The following SSH1 variants were observed in gnomAD, a reference collection of about 807,000 sequenced individuals.
The protein encoded by SSH1 is protein phosphatase Slingshot homolog 1.
SSH1 carries 43 observed loss-of-function variants against 79.7 expected under a neutral mutation model. That is an observed-to-expected ratio of 0.54 (90% CI 0.42 to 0.70). SSH1 has a LOEUF of 0.70. Ranked by LOEUF, SSH1 falls within the 30% of genes least tolerant of loss-of-function variation. SSH1 has a pLI of 0.00. For synonymous variants in SSH1, 599 were observed against 538.3 expected (o/e 1.11, Z -1.56); for missense variants, 1,206 against 1,358.8 (o/e 0.89, Z 1.77).
Position 108,846,903 on chromosome 12 carries a change from CT to C in SSH1, c.110+5734del, listed in dbSNP as rs766290770. Reference sequence around the variant, plus strand: ...TGTGGACCTGATTCTAGGCAAGGAACTTTTTTTTTTTTTGAGACAGGGTCTT... The same window carrying C: ...TGTGGACCTGATTCTAGGCAAGGAACTTTTTTTTTTTTGAGACAGGGTCTT... On this transcript the variant is annotated intron_variant, in intron 2 of 14. Transcript: ENST00000326495. Among the ~76,000 whole-genome samples, 1,393 of 146,052 alleles carry C rather than the reference CT, an allele frequency of 9.5e-3. 10 individuals are homozygous for C. The highest frequency in any genetic ancestry group is 0.012 in the Non-Finnish European group (761 of 65,854).
Position 108,837,109 on chromosome 12 carries a change from G to A in SSH1, c.111-13748C>T, listed in dbSNP as rs1214327158. 3.7e-5 allele frequency: 13 copies of A among 353,546 alleles called. No individual in the cohort carries two copies. In the East Asian group the frequency reaches 7.2e-4, roughly 20 times the overall value. The allele number at this position is 353,546 out of a possible 1,614,324, so 21.9% of individuals were successfully genotyped here. On this transcript the variant is annotated intron_variant, in intron 2 of 14. Transcript: ENST00000326495. ...TAGCCGAGCGTGGTGGAGCATGCCC[G>A]TAATCCCAGCTACTTGGGGCGCTAA...
intron 13 of SSH1, 64 bp downstream of exon 13, chr12:108,798,936 C>T: frequency 1.3e-6 from 2 of 1,581,670 alleles, no homozygotes; most frequent in Non-Finnish European, 1.7e-6. Flanking sequence ...AGAGGCCTGG[C>T]TGGCTTGGCC....
In SSH1 at chr12:108,806,452, T is replaced by A. The variant is rs563361797; in HGVS notation, c.732-58A>T. On this transcript the variant is annotated intron_variant, in intron 8 of 14. Coordinates refer to ENST00000326495, the MANE Select transcript of SSH1 (RefSeq NM_018984.4). Reference sequence around the variant, plus strand: ...GCTGTAGAAAGCTTGTGGTCGGAGGTTACAGGAATGCCAGATGCTCCTGGG... The same window carrying A: ...GCTGTAGAAAGCTTGTGGTCGGAGGATACAGGAATGCCAGATGCTCCTGGG... 88 of 1,505,242 alleles carry A rather than the reference T, an allele frequency of 5.8e-5. 1 individual carries two copies. The South Asian group carries it at 8.4e-4, about 14-fold the overall frequency. 93.2% of individuals were successfully genotyped at this position (1,505,242 alleles called of 1,614,324 possible).
intron 4 of SSH1, among the ~76,000 whole-genome samples, chr12:108,817,690 CA>C (rs1284291979): frequency 6.6e-6 from 1 of 152,192 alleles, no homozygotes; most frequent in African/African-American, 2.4e-5. Context: ...ACCCAAAATG[CA>C]AGAAATCAGT....
In SSH1 at chr12:108,806,414, A is replaced by C. The variant is rs1008588910; in HGVS notation, c.732-20T>G. The stretch of plus-strand genomic sequence containing the variant: ...GTGGGCCTGGAAAGAAATGACGTTT[A>C]GGAGAGCAAGGAGCTGTAGAAAGCT... On this transcript the variant is annotated intron_variant, in intron 8 of 14. Transcript: ENST00000326495. 5 of 1,607,638 alleles carry C rather than the reference A, an allele frequency of 3.1e-6. No individual in the cohort carries two copies. The African/African-American group carries it at 4.0e-5, about 13-fold the overall frequency.
Position 108,807,950 on chromosome 12 carries a change from T to A in SSH1, c.537-123A>T. 1.1e-6 allele frequency: 1 copy of A among 909,750 alleles called. No homozygotes were observed. The highest frequency in any genetic ancestry group is 1.7e-6 in the Non-Finnish European group (1 of 578,942). The allele number at this position is 909,750 out of a possible 1,614,324, so 56.4% of individuals were successfully genotyped here. On this transcript the variant is annotated intron_variant, in intron 7 of 14. Transcript: ENST00000326495. The surrounding 1 kb of genome is among the most constrained non-coding windows in gnomAD (Gnocchi z 5.2). Reference sequence around the variant, plus strand: ...AATGATTGATTGGTTGATTATTTCTTTTTGGGACAGAGTCTCGCTCTGTCA... The same window carrying A: ...AATGATTGATTGGTTGATTATTTCTATTTGGGACAGAGTCTCGCTCTGTCA...
intron 13 of SSH1, 140 bp downstream of exon 13, chr12:108,798,858 CCT>C (rs772307322): frequency 7.4e-5 from 67 of 903,582 alleles, no homozygotes; most frequent in Non-Finnish European, 1.1e-4. Context: ...ACTGGCTCCC[CCT>C]GAGAGGCAGG....
At position 108,842,569 on chromosome 12, in the gene SSH1, G is replaced by A. The variant is rs17041009; in HGVS notation, c.110+10069C>T. 9.1e-3 allele frequency among the ~76,000 whole-genome samples: 1,380 copies of A among 152,322 alleles called. 24 individuals are homozygous for A. Among genetic ancestry groups the A allele is most frequent in the African/African-American group, 0.03 (1,257 of 41,564 alleles). The stretch of plus-strand genomic sequence containing the variant: ...GGGCTGCAGCACATGAAGGGGATAC[G>A]TGACAATCCCTGCTTTAAGTACAGC... On this transcript the variant is annotated intron_variant, in intron 2 of 14. Transcript: ENST00000326495.
chr12:108,828,996 T>C (rs1441924367), intron 2 of SSH1, among the ~76,000 whole-genome samples: 1 of 152,172 alleles, frequency 6.6e-6, no homozygotes, highest in Non-Finnish European at 1.5e-5. Flanking sequence ...AGGGATAGCA[T>C]GGACAACGCC....
Position 108,792,280 on chromosome 12 carries a change from G to A in SSH1, c.1893+6C>T, listed in dbSNP as rs781688208. On this transcript the variant is annotated splice_donor_region_variant and intron_variant, in intron 14 of 14. Transcript: ENST00000326495. ...TGTGCCACCCTGCAGGCCGGGCTCT[G>A]CCTACCTCCATGCCGTTGGGACAGC... The A allele has an allele frequency of 6.2e-7, 1 of 1,614,178 alleles. No homozygotes were observed. The highest frequency in any genetic ancestry group is 2.2e-5 in the East Asian group (1 of 44,886).
In SSH1 at chr12:108,781,979, G is replaced by A. The variant is rs2036150511; in HGVS notation, c.*6009C>T. 6.6e-6 allele frequency: 1 copy of A among 151,934 alleles called. No individual in the cohort carries two copies. The highest frequency in any genetic ancestry group is 6.6e-5 in the Admixed American group (1 of 15,222). The allele number at this position is 151,934 out of a possible 1,614,324, so 9.4% of individuals were successfully genotyped here. ...AAATTGTAAAAATTAGCGGGGCAAG[G>A]TGGTGCACGCCTGTAGTCCCAGCTA... On this transcript the variant is annotated 3_prime_UTR_variant, in exon 15 of 15. Transcript: ENST00000326495.
intron 2 of SSH1, among the ~76,000 whole-genome samples, chr12:108,830,507 G>A (rs1046393642): frequency 1.3e-5 from 2 of 152,116 alleles, no homozygotes; most frequent in African/African-American, 4.8e-5. Flanking sequence ...AGAGAAAACA[G>A]TCTTCTCCAT....
chr12:108,795,399 G>A (rs1024658315), intron 13 of SSH1, among the ~76,000 whole-genome samples: 4 of 152,000 alleles, frequency 2.6e-5, no homozygotes, highest in African/African-American at 7.3e-5. Flanking sequence ...ACAGGCACAC[G>A]CCACCACACC....
At chr12:108,838,773 C>A (rs540660243) in intron 2 of SSH1, among the ~76,000 whole-genome samples, 1 of 152,180 alleles carries the variant, frequency 6.6e-6, no homozygotes, top group South Asian at 2.1e-4. Flanking sequence ...AGAGTTCTTC[C>A]GAGGAACTGA....
chr12:108,840,268 A>G (rs1446099589), intron 2 of SSH1, among the ~76,000 whole-genome samples: 2 of 152,084 alleles, frequency 1.3e-5, no homozygotes, highest in Non-Finnish European at 2.9e-5. Flanking sequence ...GCAGTGGCTC[A>G]TGCCTGTAAT....
chr12:108,788,660 G>A lies in SSH1; in HGVS notation c.2478C>T (p.Thr826=). 6.2e-7 allele frequency: 1 copy of A among 1,614,084 alleles called. No individual in the cohort carries two copies. The highest frequency in any genetic ancestry group is 8.5e-7 in the Non-Finnish European group (1 of 1,180,044). ...CGCTCTTCAGCCGCTCTAGCTCTTT[G>A]GTGTGCTTGCGGACCAAGCCTGCCT... ...LQKAGLVRKH[T]KELERLKSVP... The change falls in exon 15 of 15, where the codon ACC becomes ACT. Residue 826 remains threonine, a synonymous_variant. Transcript: ENST00000326495.
intron 2 of SSH1, chr12:108,826,278 C>T: frequency 2.5e-6 from 1 of 406,406 alleles, no homozygotes; most frequent in East Asian, 7.0e-5. Flanking sequence ...GCTGTTCCTC[C>T]TCCATGTTCC....
intron 2 of SSH1, among the ~76,000 whole-genome samples, chr12:108,825,328 C>T (rs566436602): frequency 9.9e-5 from 15 of 152,168 alleles, no homozygotes; most frequent in South Asian, 4.1e-4. Flanking sequence ...AGTAGTTAAA[C>T]GTTCGAATTC....
At chr12:108,803,138 T>C (rs1230977553) in intron 10 of SSH1, among the ~76,000 whole-genome samples, 2 of 152,148 alleles carry the variant, frequency 1.3e-5, no homozygotes, top group Middle Eastern at 3.2e-3. Context: ...TCAAAGAAGC[T>C]ATATATGCAT....
Sources: gnomAD v4.1 joint callset for allele counts (sites outside exome capture counted in the v4.1 genomes callset) on GRCh38, gnomAD v4.1.1 for gene constraint, Gnocchi (gnomAD v3.1) non-coding constraint, MANE v1.5 for transcripts, NCBI Gene and HGNC (gene_info 2026-07-23, HGNC 2026-07-21) for gene names.